The following FAM171A1 variants were observed in gnomAD, a reference collection of about 807,000 sequenced individuals.
FAM171A1 encodes protein FAM171A1.
A neutral mutation model predicts 74.9 loss-of-function variants in FAM171A1; 23 were observed. The ratio of observed to expected loss-of-function variants is 0.31; its 90% CI spans 0.22 to 0.44. The LOEUF is 0.44. Ranked by LOEUF, FAM171A1 falls within the 20% of genes least tolerant of loss-of-function variation. The probability of loss-of-function intolerance (pLI) is 1.00; values close to 1 mark genes in which losing one functional copy is unlikely to be tolerated. For missense variants in FAM171A1, 1,162 were observed against 1,159.2 expected (o/e 1.00, Z -0.03); for synonymous variants, 527 against 505.7 (o/e 1.04, Z -0.57).
At chr10:15,322,502 C>T (rs187900655) in intron 1 of FAM171A1, among the ~76,000 whole-genome samples, 14 of 152,326 alleles carry the variant, frequency 9.2e-5, no homozygotes, top group Non-Finnish European at 1.3e-4. Flanking sequence ...GGAGTTAGGG[C>T]TGATTATCTC....
intron 5 of FAM171A1, among the ~76,000 whole-genome samples, chr10:15,233,445 G>A (rs564333656): frequency 2.0e-5 from 3 of 152,096 alleles, no homozygotes; most frequent in East Asian, 3.9e-4. Flanking sequence ...TGTACATGGC[G>A]TACTGCAGGG....
intron 5 of FAM171A1, among the ~76,000 whole-genome samples, chr10:15,233,903 C>CAAAAAAAAAAAAA (rs915508767): frequency 1.3e-4 from 17 of 129,126 alleles, no homozygotes; most frequent in African/African-American, 2.9e-4. Flanking sequence ...TCCGTCTCAC[C>CAAAAAAAAAAAAA]AAAAAAAAAA....
At chr10:15,372,713 A>AAT (rs1836164871), upstream of FAM171A1, among the ~76,000 whole-genome samples, 1 of 151,490 alleles carries the variant, frequency 6.6e-6, no homozygotes, top group Non-Finnish European at 1.5e-5. Context: ...AAAAAAAAAA[A>AAT]AAAAAATCAA....
chr10:15,250,798 A>G (rs1056647929), intron 4 of FAM171A1, among the ~76,000 whole-genome samples: 23 of 152,216 alleles, frequency 1.5e-4, no homozygotes, highest in African/African-American at 5.3e-4. Context: ...CTACAGAGAC[A>G]TTAAATAATT....
At chr10:15,308,704 C>A (rs555464068) in intron 1 of FAM171A1, among the ~76,000 whole-genome samples, 1 of 152,296 alleles carries the variant, frequency 6.6e-6, no homozygotes, top group African/African-American at 2.4e-5. Flanking sequence ...CCACTCCAAG[C>A]ATTAGTGGGT....
At chr10:15,230,508 A>T (rs895983091) in intron 5 of FAM171A1, among the ~76,000 whole-genome samples, 1 of 152,232 alleles carries the variant, frequency 6.6e-6, no homozygotes, top group African/African-American at 2.4e-5. Context: ...GTAACCAACG[A>T]CCTTCTGTTT....
chr10:15,324,226 C>A (rs912967085), intron 1 of FAM171A1, among the ~76,000 whole-genome samples: 12 of 152,242 alleles, frequency 7.9e-5, no homozygotes, highest in African/African-American at 2.9e-4. Context: ...GCATGCGCAA[C>A]TGAGACCCAA....
intron 1 of FAM171A1, among the ~76,000 whole-genome samples, chr10:15,341,425 T>C (rs969760124): frequency 6.6e-6 from 1 of 152,234 alleles, no homozygotes; most frequent in Admixed American, 6.5e-5. Context: ...GGTTTCGTAA[T>C]ATACATCTTT....
At chr10:15,364,674 G>A (rs1487958547) in intron 1 of FAM171A1, among the ~76,000 whole-genome samples, 1 of 152,144 alleles carries the variant, frequency 6.6e-6, no homozygotes, top group Non-Finnish European at 1.5e-5. Flanking sequence ...GTTTCACTGG[G>A]CTAAAGCCAA....
chr10:15,240,628 T>C (rs1834351870), intron 5 of FAM171A1: 1 of 847,244 alleles, frequency 1.2e-6, no homozygotes, highest in Admixed American at 6.2e-5. Context: ...CTCACGGGGT[T>C]TGAAAGAGAG....
intron 1 of FAM171A1, 46 bp downstream of exon 1, chr10:15,370,910 G>T: frequency 1.0e-6 from 1 of 954,060 alleles, no homozygotes. Flanking sequence ...CTCCGCGCCA[G>T]GCCCGGCGCG....
chr10:15,325,195 CAG>C (rs1835536733), intron 1 of FAM171A1, among the ~76,000 whole-genome samples: 1 of 152,132 alleles, frequency 6.6e-6, no homozygotes, highest in African/African-American at 2.4e-5. Context: ...CTGAAGCAGA[CAG>C]AGAACTTTTA....
At chr10:15,285,531 C>T (rs897894677) in intron 1 of FAM171A1, among the ~76,000 whole-genome samples, 11 of 152,160 alleles carry the variant, frequency 7.2e-5, no homozygotes, top group Admixed American at 1.3e-4. Flanking sequence ...GTAGACCAGA[C>T]TCCAGCAGAA....
chr10:15,223,298 T>C (rs1251591402), intron 5 of FAM171A1, among the ~76,000 whole-genome samples: 1 of 152,248 alleles, frequency 6.6e-6, no homozygotes, highest in Non-Finnish European at 1.5e-5. Flanking sequence ...GTTCAGCTCA[T>C]GACTTACACG....
intron 3 of FAM171A1, among the ~76,000 whole-genome samples, chr10:15,271,237 T>A (rs938020412): frequency 6.6e-6 from 1 of 152,152 alleles, no homozygotes; most frequent in African/African-American, 2.4e-5. Context: ...ACGTGACACA[T>A]GCACAAGCTT....
Position 15,355,315 on chromosome 10 carries a change from T to C in FAM171A1, c.97+15641A>G, listed in dbSNP as rs141686281. Among the ~76,000 whole-genome samples the C allele has an allele frequency of 2.6e-5, 4 of 152,280 alleles. No individual in the cohort carries two copies. In the East Asian group the frequency reaches 7.7e-4, roughly 29 times the overall value. ...GTCTTGAACTCCTGGGCTCAAGTGATTCGCCCACTTCAGCCTCCCAAGGTA... is the reference window on the plus strand; with the variant it reads ...GTCTTGAACTCCTGGGCTCAAGTGACTCGCCCACTTCAGCCTCCCAAGGTA... On this transcript the variant is annotated intron_variant, in intron 1 of 7. Transcript: ENST00000378116.
chr10:15,305,886 A>T (rs1268032141), intron 1 of FAM171A1, among the ~76,000 whole-genome samples: 2 of 152,166 alleles, frequency 1.3e-5, no homozygotes, highest in Admixed American at 6.5e-5. Context: ...CCTGTGCACG[A>T]ACACGGGGAC....
intron 1 of FAM171A1, among the ~76,000 whole-genome samples, chr10:15,370,574 C>G (rs146054773): frequency 0.015 from 2,337 of 152,052 alleles, 53 homozygotes; most frequent in African/African-American, 0.054. Context: ...TCGGGCGGCG[C>G]GCCCTGGGCG....
chr10:15,221,910 CATTTT>C (rs1834043476), intron 5 of FAM171A1, among the ~76,000 whole-genome samples: 1 of 152,188 alleles, frequency 6.6e-6, no homozygotes, highest in Non-Finnish European at 1.5e-5. Context: ...CATTTGATTG[CATTTT>C]TACTTTGTGA....
Sources: gnomAD v4.1 joint callset for allele counts (sites outside exome capture counted in the v4.1 genomes callset) on GRCh38, gnomAD v4.1.1 for gene constraint, MANE v1.5 for transcripts, NCBI Gene and HGNC (gene_info 2026-07-23, HGNC 2026-07-21) for gene names.